The following CHIC1 variants were observed in gnomAD, a reference collection of about 807,000 sequenced individuals.
CHIC1 encodes the protein cysteine rich hydrophobic domain 1.
A neutral mutation model predicts 18.5 loss-of-function variants in CHIC1; 7 were observed. That is an observed-to-expected ratio of 0.38 (90% CI 0.22 to 0.71). The LOEUF is 0.71. Ranked by LOEUF, CHIC1 falls within the 30% of genes least tolerant of loss-of-function variation. The probability of loss-of-function intolerance (pLI) is 0.49; values close to 1 mark genes in which losing one functional copy is unlikely to be tolerated. For missense variants in CHIC1, 159 were observed against 176.9 expected (o/e 0.90, Z 0.57); for synonymous variants, 77 against 73.5 (o/e 1.05, Z -0.25).
intron 3 of CHIC1, among the ~76,000 whole-genome samples, chrX:73,667,531 G>T (rs1259867057): frequency 8.9e-6 from 1 of 111,855 alleles, no homozygotes; most frequent in African/African-American, 3.3e-5. Context: ...AGGAGCTCTT[G>T]CAGGGGAAGT....
chrX:73,673,264 GT>G (rs1350569493), intron 3 of CHIC1, among the ~76,000 whole-genome samples: 1 of 111,732 alleles, frequency 8.9e-6, no homozygotes, highest in East Asian at 2.8e-4. Context: ...CTTTAAAGTA[GT>G]TTTTTCCAAT....
intron 3 of CHIC1, among the ~76,000 whole-genome samples, chrX:73,647,521 G>T (rs2057895065): frequency 8.9e-6 from 1 of 112,319 alleles, no homozygotes; most frequent in Admixed American, 9.4e-5. Flanking sequence ...ATTTTCCCCT[G>T]CTGGAGCCAG....
intron 3 of CHIC1, among the ~76,000 whole-genome samples, chrX:73,611,980 C>T (rs1263585277): frequency 1.8e-5 from 2 of 108,581 alleles, no homozygotes; most frequent in Admixed American, 9.8e-5. Context: ...TGCCTGTTCA[C>T]TCTGATGGTA....
At chrX:73,672,315 C>G (rs914826029) in intron 3 of CHIC1, among the ~76,000 whole-genome samples, 4 of 111,663 alleles carry the variant, frequency 3.6e-5, no homozygotes, top group African/African-American at 9.8e-5. Flanking sequence ...AATGGTATTT[C>G]TAGTTCTAGA....
intron 3 of CHIC1, among the ~76,000 whole-genome samples, chrX:73,637,790 T>C (rs754599170): frequency 1.8e-5 from 2 of 111,940 alleles, no homozygotes; most frequent in East Asian, 5.6e-4. Context: ...TTTTCTTTAG[T>C]TCTTTAACAA....
At chrX:73,568,373 A>G (rs907328762) in intron 1 of CHIC1, among the ~76,000 whole-genome samples, 7 of 111,740 alleles carry the variant, frequency 6.3e-5, no homozygotes, top group African/African-American at 1.9e-4. Flanking sequence ...TGTATTTCCA[A>G]TTCTGAGATG....
Position 73,623,967 on chromosome X carries a change from G to A in CHIC1, c.507+39395G>A, listed in dbSNP as rs990198303. The stretch of plus-strand genomic sequence containing the variant: ...AGGGTTTTCATTTGCCAGTTTTAAA[G>A]TTTCTCTTTAAAGTATGCAGTTACT... On this transcript the variant is annotated intron_variant, in intron 3 of 5. Coordinates refer to ENST00000373502, the MANE Select transcript of CHIC1 (RefSeq NM_001039840.4). Among the ~76,000 whole-genome samples the A allele has an allele frequency of 4.5e-5, 5 of 111,143 alleles. No homozygotes were observed. The Admixed American group carries it at 4.8e-4, about 11-fold the overall frequency.
At position 73,563,317 on chromosome X, in the gene CHIC1, C is replaced by G. The variant is rs2057424931; in HGVS notation, c.33C>G (p.Phe11Leu). 8.8e-7 allele frequency: 1 copy of G among 1,139,082 alleles called. No homozygotes were observed. Among genetic ancestry groups the G allele is most frequent in the African/African-American group, 1.8e-5 (1 of 55,178 alleles). The allele number at this position is 1,139,082 out of a possible 1,213,427, so 93.9% of individuals were successfully genotyped here. ...TCCTGCTGCCCAACATGGCGGAGTT[C>G]GACACCATCTCGGAACTGGAGGAGG... The part of the protein sequence containing the change: MSILLPNMAE[F>L]DTISELEEEE... The change falls in exon 1 of 6, where the codon TTC becomes TTG. Residue 11 changes from phenylalanine (F) to leucine (L), a missense_variant. By Grantham distance (22) the Phe-to-Leu change is conservative. Transcript: ENST00000373502.
chrX:73,656,776 G>A (rs1372271419), intron 3 of CHIC1, among the ~76,000 whole-genome samples: 1 of 111,991 alleles, frequency 8.9e-6, no homozygotes, highest in African/African-American at 3.2e-5. Context: ...GATAGCCTTG[G>A]CCATTCAAGC....
At chrX:73,670,541 G>T (rs1364221811) in intron 3 of CHIC1, among the ~76,000 whole-genome samples, 1 of 109,322 alleles carries the variant, frequency 9.1e-6, no homozygotes, top group East Asian at 2.8e-4. Context: ...TTTAGGTTTG[G>T]TTGGTTCTTG....
chrX:73,569,369 CCTTTA>C (rs2057459299), intron 1 of CHIC1, among the ~76,000 whole-genome samples: 1 of 111,505 alleles, frequency 9.0e-6, no homozygotes, highest in Non-Finnish European at 1.9e-5. Flanking sequence ...GCCTCAGTTT[CCTTTA>C]CTTCAAAGAA....
At chrX:73,584,986 T>G (rs2057546044) in intron 3 of CHIC1, among the ~76,000 whole-genome samples, 1 of 111,591 alleles carries the variant, frequency 9.0e-6, no homozygotes, top group African/African-American at 3.2e-5. Context: ...TTAAACATGT[T>G]ACAATAACAT....
At chrX:73,614,346 G>T (rs1450795907) in intron 3 of CHIC1, among the ~76,000 whole-genome samples, 1 of 110,993 alleles carries the variant, frequency 9.0e-6, no homozygotes, top group Non-Finnish European at 1.9e-5. Flanking sequence ...TGTTTTGGAG[G>T]GGACTTCTTT....
Position 73,679,681 on chromosome X carries a change from A to T in CHIC1, c.592A>T (p.Arg198Trp). Residue 198 changes from arginine (R) to tryptophan (W), a missense_variant, in exon 5 of 6, where the codon AGG (arginine) becomes TGG (tryptophan). Transcript: ENST00000373502. Reference sequence around the variant, plus strand: ...TGCTTTGCACTGGAAGTTGACTAAGAGGAAATGTGAAACTAGCAATATGAT... The same window carrying T: ...TGCTTTGCACTGGAAGTTGACTAAGTGGAAATGTGAAACTAGCAATATGAT... ...KLALHWKLTK[R>W]KCETSNMMEY... 2 of 1,127,261 alleles carry T rather than the reference A, an allele frequency of 1.8e-6. No homozygotes were observed. The highest frequency in any genetic ancestry group is 2.4e-6 in the Non-Finnish European group (2 of 847,008). The allele number at this position is 1,127,261 out of a possible 1,213,427, so 92.9% of individuals were successfully genotyped here.
At chrX:73,609,818 CTCTT>C (rs2057699474) in intron 3 of CHIC1, among the ~76,000 whole-genome samples, 1 of 109,432 alleles carries the variant, frequency 9.1e-6, no homozygotes, top group South Asian at 3.7e-4. Flanking sequence ...TTCAAGTTCT[CTCTT>C]CTAGCTATTT....
chrX:73,664,065 A>G (rs1017443054), intron 3 of CHIC1, among the ~76,000 whole-genome samples: 1 of 111,106 alleles, frequency 9.0e-6, no homozygotes, highest in Non-Finnish European at 1.9e-5. Context: ...CTGTGCTCCC[A>G]GTGGTGGCAG....
chrX:73,626,492 T>A (rs1231293332), intron 3 of CHIC1, among the ~76,000 whole-genome samples: 3 of 111,073 alleles, frequency 2.7e-5, no homozygotes, highest in Non-Finnish European at 5.7e-5. Flanking sequence ...TTTTATTTAT[T>A]TTCATTTTTC....
chrX:73,596,100 A>T (rs1201253670), intron 3 of CHIC1, among the ~76,000 whole-genome samples: 1 of 111,351 alleles, frequency 9.0e-6, no homozygotes, highest in East Asian at 2.8e-4. Flanking sequence ...CATTGCAAAA[A>T]TTTTCTCCCA....
chrX:73,655,919 C>G (rs1165432662), intron 3 of CHIC1, among the ~76,000 whole-genome samples: 2 of 111,013 alleles, frequency 1.8e-5, no homozygotes, highest in Non-Finnish European at 3.8e-5. Context: ...CTAATTTACA[C>G]TCCCACCAAT....
Sources: allele counts gnomAD v4.1 joint callset (sites outside exome capture counted in the v4.1 genomes callset), GRCh38; gene constraint gnomAD v4.1.1; transcripts MANE v1.5; gene names NCBI Gene and HGNC (gene_info 2026-07-23, HGNC 2026-07-21).